The following NAA15 variants were observed in gnomAD, a reference collection of about 807,000 sequenced individuals.
NAA15 encodes the protein N-alpha-acetyltransferase 15, NatA auxiliary subunit.
A neutral mutation model predicts 114.0 loss-of-function variants in NAA15; 34 were observed. That is an observed-to-expected ratio of 0.30 (90% CI 0.23 to 0.40). NAA15 has a LOEUF of 0.40. Among genes scored for constraint, NAA15 ranks in the 10% least tolerant of loss-of-function variants. The pLI is 1.00. For missense variants in NAA15, 658 were observed against 1,004.5 expected (o/e 0.66, Z 4.66); for synonymous variants, 340 against 338.0 (o/e 1.01, Z -0.06).
chr4:139,314,996 T>TCAGGTCAGGTCAGGTCAGGTCAGGTCAGG (rs1560952688), intron 1 of NAA15, among the ~76,000 whole-genome samples: 3 of 57,278 alleles, frequency 5.2e-5, no homozygotes, highest in Non-Finnish European at 1.0e-4. Flanking sequence ...TTCAGTTCAG[T>TCAGGTCAGGTCAGGTCAGGTCAGGTCAGG]TCAGTTTAGT....
chr4:139,312,235 G>A (rs111689217), intron 1 of NAA15, among the ~76,000 whole-genome samples: 1 of 151,898 alleles, frequency 6.6e-6, no homozygotes, highest in African/African-American at 2.4e-5. Flanking sequence ...TGCCAATTCT[G>A]ATAGTAAGAA....
At chr4:139,309,682 T>A (rs537086564) in intron 1 of NAA15, among the ~76,000 whole-genome samples, 138 of 152,316 alleles carry the variant, frequency 9.1e-4, no homozygotes, top group African/African-American at 3.2e-3. Flanking sequence ...AAATTCTGTA[T>A]TGTGTTAGAA....
chr4:139,340,858 G>A (rs560476045), intron 3 of NAA15, 54 bp from the exon 4 acceptor site: 14 of 1,378,304 alleles, frequency 1.0e-5, no homozygotes, highest in African/African-American at 6.0e-5. Context: ...TTGGGAGGTC[G>A]TTTGGAATAG....
chr4:139,372,036 C>A (rs1748457463), intron 15 of NAA15, among the ~76,000 whole-genome samples: 4 of 152,178 alleles, frequency 2.6e-5, no homozygotes, highest in Admixed American at 2.6e-4. Flanking sequence ...CTGCCTCAGC[C>A]TCCCAAGTAG....
chr4:139,303,291 G>T lies in NAA15; in HGVS notation c.54+1460G>T, dbSNP rs548430124. On this transcript the variant is annotated intron_variant, in intron 1 of 19. Coordinates refer to ENST00000296543, the MANE Select transcript of NAA15 (RefSeq NM_057175.5). Reference sequence around the variant, plus strand: ...TTTAAACCCTTAAAAAGACTAATTGGTGTGCAGGTAGAACTGTAACATAAG... The same window carrying T: ...TTTAAACCCTTAAAAAGACTAATTGTTGTGCAGGTAGAACTGTAACATAAG... Among the ~76,000 whole-genome samples, 3 of 152,246 alleles carry T rather than the reference G, an allele frequency of 2.0e-5. No homozygotes were observed. The East Asian group carries it at 5.8e-4, about 29-fold the overall frequency.
chr4:139,367,596 C>G (rs1748318060), intron 14 of NAA15, among the ~76,000 whole-genome samples: 1 of 152,162 alleles, frequency 6.6e-6, no homozygotes, highest in African/African-American at 2.4e-5. Context: ...TTGAGAGAAT[C>G]TGTGAGTCAT....
chr4:139,377,548 A>G (rs1748624618), intron 16 of NAA15, among the ~76,000 whole-genome samples: 1 of 152,006 alleles, frequency 6.6e-6, no homozygotes, highest in Non-Finnish European at 1.5e-5. Flanking sequence ...CAAAAAAAAA[A>G]AGGTCATGTT....
At chr4:139,338,113 G>A (rs1475643193) in intron 3 of NAA15, among the ~76,000 whole-genome samples, 1 of 152,182 alleles carries the variant, frequency 6.6e-6, no homozygotes, top group African/African-American at 2.4e-5. Flanking sequence ...GGGATTTTTA[G>A]GAGATGAAGA....
At chr4:139,381,991 T>A (rs920283787) in intron 17 of NAA15, among the ~76,000 whole-genome samples, 2 of 152,178 alleles carry the variant, frequency 1.3e-5, no homozygotes, top group African/African-American at 2.4e-5. Flanking sequence ...AGTAGGGGAT[T>A]TGCTACTTTC....
At chr4:139,351,692 C>A in intron 9 of NAA15, 81 bp downstream of exon 9, 3 of 716,106 alleles carry the variant, frequency 4.2e-6, no homozygotes, top group South Asian at 1.9e-5. Flanking sequence ...ATTATCTCTG[C>A]ACAGTAGTAC....
intron 1 of NAA15, among the ~76,000 whole-genome samples, chr4:139,333,767 G>A (rs1287796316): frequency 6.6e-6 from 1 of 152,096 alleles, no homozygotes; most frequent in East Asian, 1.9e-4. Context: ...AGGTATGGTG[G>A]CGTGTGCCTG....
rs1159001596 is a variant in NAA15, at chr4:139,390,346, G to C, written c.*2262G>C. ...ATTGGTGTCAGAGGACCTTGACTGGGTTCATTTTATGTCCAGACATCACCC... is the reference window on the plus strand; with the variant it reads ...ATTGGTGTCAGAGGACCTTGACTGGCTTCATTTTATGTCCAGACATCACCC... On this transcript the variant is annotated 3_prime_UTR_variant, in exon 20 of 20. Coordinates refer to ENST00000296543, the MANE Select transcript of NAA15 (RefSeq NM_057175.5). 6.6e-6 allele frequency: 1 copy of C among 152,534 alleles called. No homozygotes were observed. Among genetic ancestry groups the C allele is most frequent in the Admixed American group, 6.5e-5 (1 of 15,272 alleles). The allele number at this position is 152,534 out of a possible 1,614,324, so 9.4% of individuals were successfully genotyped here.
intron 17 of NAA15, among the ~76,000 whole-genome samples, chr4:139,384,257 T>C (rs1748830649): frequency 6.6e-6 from 1 of 152,160 alleles, no homozygotes; most frequent in South Asian, 2.1e-4. Flanking sequence ...TGAACAGATC[T>C]CTTGAGCCCA....
intron 1 of NAA15, among the ~76,000 whole-genome samples, chr4:139,328,789 A>AT (rs1004883835): frequency 6.7e-6 from 1 of 149,486 alleles, no homozygotes; most frequent in Admixed American, 6.7e-5. Flanking sequence ...GATGGTCTCA[A>AT]TCTCTTGATC....
At chr4:139,342,657 CCAGGATGGT>C (rs1240346415) in intron 4 of NAA15, among the ~76,000 whole-genome samples, 160 bp from the exon 5 acceptor site, 1 of 151,828 alleles carries the variant, frequency 6.6e-6, no homozygotes, top group African/African-American at 2.4e-5. Flanking sequence ...ACCATGTTGG[CCAGGATGGT>C]CTCGATCTCT....
chr4:139,308,638 G>A (rs149391208), intron 1 of NAA15, among the ~76,000 whole-genome samples: 65 of 152,048 alleles, frequency 4.3e-4, no homozygotes, highest in African/African-American at 1.4e-3. Flanking sequence ...CACTTTTGTC[G>A]TCCAGGCTGG....
chr4:139,364,092 TCTTGAGCCC>T (rs1212358814), intron 14 of NAA15, among the ~76,000 whole-genome samples: 1 of 152,214 alleles, frequency 6.6e-6, no homozygotes, highest in Non-Finnish European at 1.5e-5. Flanking sequence ...CCCAGGCTTG[TCTTGAGCCC>T]CTTGGCTCAA....
At chr4:139,352,883 G>T (rs1454907716) in intron 9 of NAA15, among the ~76,000 whole-genome samples, 1 of 151,716 alleles carries the variant, frequency 6.6e-6, no homozygotes, top group Non-Finnish European at 1.5e-5. Flanking sequence ...GGCCAGGCTG[G>T]TCTTGAACTC....
In NAA15 at chr4:139,301,549, G is replaced by A; in HGVS notation, c.-229G>A. 1 of 575,672 alleles carries A rather than the reference G, an allele frequency of 1.7e-6. No individual in the cohort carries two copies. Among genetic ancestry groups the A allele is most frequent in the Non-Finnish European group, 3.1e-6 (1 of 326,312 alleles). 35.7% of individuals were successfully genotyped at this position (575,672 alleles called of 1,614,324 possible). On this transcript the variant is annotated 5_prime_UTR_variant, in exon 1 of 20. Coordinates refer to ENST00000296543, the MANE Select transcript of NAA15 (RefSeq NM_057175.5). ...TTCAGTTACCACGTGAACCGCCGAC[G>A]GAGACCCGTAGTGGGGGAGGCGGCG...
Sources: allele counts gnomAD v4.1 joint callset (sites outside exome capture counted in the v4.1 genomes callset), GRCh38; gene constraint gnomAD v4.1.1; transcripts MANE v1.5; gene names NCBI Gene and HGNC (gene_info 2026-07-23, HGNC 2026-07-21).